Variants in DOCK3 observed in about 807,000 individuals in gnomAD.
The protein encoded by DOCK3 is dedicator of cytokinesis protein 3.
Under a neutral mutation model 265.6 loss-of-function variants are expected in DOCK3, and 60 were observed. The observed-to-expected ratio is 0.23, with a 90% CI of 0.18 to 0.28. The LOEUF is 0.28. DOCK3 is among the 10% of genes least tolerant of loss of function. DOCK3 has a pLI of 1.00. For synonymous variants in DOCK3, 881 were observed against 938.0 expected, an observed-to-expected ratio of 0.94 and a Z score of 1.11; for missense variants, 1,981 against 2,594.3, an observed-to-expected ratio of 0.76 and a Z score of 5.14.
At chr3:51,314,395 C>T (rs976806746) in intron 31 of DOCK3, among the ~76,000 whole-genome samples, 1 of 152,148 alleles carries the variant, frequency 6.6e-6, no homozygotes, top group African/African-American at 2.4e-5. Context: ...ATCTCTAAGC[C>T]AGCCTTTTAG....
intron 1 of DOCK3, among the ~76,000 whole-genome samples, chr3:50,679,509 A>G (rs1193265997): frequency 6.6e-6 from 1 of 152,334 alleles, no homozygotes; most frequent in Non-Finnish European, 1.5e-5. Flanking sequence ...AAAAACAAAC[A>G]AACAAACAAA....
At chr3:51,116,835 T>C (rs768715064) in intron 9 of DOCK3, among the ~76,000 whole-genome samples, 1 of 152,250 alleles carries the variant, frequency 6.6e-6, no homozygotes, top group Non-Finnish European at 1.5e-5. Context: ...TTTGCTGAAG[T>C]TGCTTATCAG....
chr3:50,836,838 G>A (rs553723940), intron 2 of DOCK3, among the ~76,000 whole-genome samples: 1 of 152,226 alleles, frequency 6.6e-6, no homozygotes, highest in East Asian at 1.9e-4. Flanking sequence ...TTGCTCTTTA[G>A]AAATGTCTTC....
intron 46 of DOCK3, among the ~76,000 whole-genome samples, chr3:51,358,564 AC>A (rs1393368765): frequency 6.7e-6 from 1 of 149,992 alleles, no homozygotes; most frequent in Non-Finnish European, 1.5e-5. Context: ...CTTCCTCCCA[AC>A]TCCCTTTTCT....
intron 2 of DOCK3, among the ~76,000 whole-genome samples, chr3:50,826,096 A>G (rs2044739572): frequency 6.6e-6 from 1 of 151,868 alleles, no homozygotes; most frequent in Non-Finnish European, 1.5e-5. Flanking sequence ...AGTGGATAGC[A>G]TATTTCTGCA....
At chr3:51,073,823 T>C (rs1183099515) in intron 6 of DOCK3, among the ~76,000 whole-genome samples, 1 of 152,216 alleles carries the variant, frequency 6.6e-6, no homozygotes, top group East Asian at 1.9e-4. Context: ...TAATTCTTAA[T>C]CCTAGTAACC....
chr3:50,943,291 T>G (rs553651638), intron 5 of DOCK3, among the ~76,000 whole-genome samples: 1 of 152,228 alleles, frequency 6.6e-6, no homozygotes, highest in South Asian at 2.1e-4. Context: ...TTTGTAAATA[T>G]CTACATTGAT....
At chr3:51,193,847 TTTTG>T (rs2088104999) in intron 12 of DOCK3, among the ~76,000 whole-genome samples, 1 of 148,502 alleles carries the variant, frequency 6.7e-6, no homozygotes, top group African/African-American at 2.5e-5. Flanking sequence ...AGTTTATCAG[TTTTG>T]TTTATCTTTT....
intron 5 of DOCK3, among the ~76,000 whole-genome samples, chr3:51,016,555 ATC>A (rs1349018650): frequency 3.8e-3 from 7 of 1,852 alleles, no homozygotes; most frequent in African/African-American, 0.032. Context: ...ATTTATATAT[ATC>A]ATATATTATA....
At position 51,362,633 on chromosome 3, in the gene DOCK3, C is replaced by T; in HGVS notation, c.5252C>T (p.Ala1751Val). 1 of 1,613,960 alleles carries T rather than the reference C, an allele frequency of 6.2e-7. No individual in the cohort carries two copies. The highest frequency in any genetic ancestry group is 1.7e-5 in the Admixed American group (1 of 60,018). Residue 1751 changes from alanine to valine, a missense_variant, in exon 49 of 53, where the codon GCA becomes GTA. Coordinates refer to ENST00000266037, the MANE Select transcript of DOCK3 (RefSeq NM_004947.5). Reference sequence around the variant, plus strand: ...TCCAGCCTGAGTTCCACTCACTCAGCACCATCCCAGATGATTACCTCTGCC... The same window carrying T: ...TCCAGCCTGAGTTCCACTCACTCAGTACCATCCCAGATGATTACCTCTGCC... Reference protein sequence around the residue: ...SSSSLSSTHSAPSQMITSAPS... With the variant: ...SSSSLSSTHSVPSQMITSAPS...
intron 2 of DOCK3, among the ~76,000 whole-genome samples, chr3:50,830,103 C>A (rs1265889399): frequency 1.3e-5 from 2 of 152,084 alleles, no homozygotes; most frequent in Non-Finnish European, 2.9e-5. Context: ...CTTATTTTTA[C>A]AAGTGATTGG....
At position 51,357,093 on chromosome 3, in the gene DOCK3, T is replaced by A; in HGVS notation, c.4635T>A (p.Asn1545Lys). The A allele has an allele frequency of 1.2e-6, 2 of 1,612,856 alleles. No homozygotes were observed. The highest frequency in any genetic ancestry group is 1.7e-6 in the Non-Finnish European group (2 of 1,179,884). Residue 1545 changes from asparagine to lysine, a missense_variant, in exon 44 of 53, where the codon AAT becomes AAA. Around this residue, in one of 4 missense-constraint regions of DOCK3, gnomAD observed 1,357 missense variants for 1,866.8 expected, o/e 0.73. Coordinates refer to ENST00000266037, the MANE Select transcript of DOCK3 (RefSeq NM_004947.5). ...GNINLLSMCL[N>K]GVIDAAVNGG... Reference sequence around the variant, plus strand: ...TTAACCTGCTAAGCATGTGCCTGAATGGTGTCATTGATGCAGCTGTCAATG... The same window carrying A: ...TTAACCTGCTAAGCATGTGCCTGAAAGGTGTCATTGATGCAGCTGTCAATG...
At chr3:50,765,827 A>G (rs372400865) in intron 1 of DOCK3, among the ~76,000 whole-genome samples, 2 of 152,150 alleles carry the variant, frequency 1.3e-5, no homozygotes, top group East Asian at 1.9e-4. Context: ...TGTTAACTGT[A>G]GTCACCTTAC....
chr3:51,205,234 C>T (rs1322995061), intron 12 of DOCK3, among the ~76,000 whole-genome samples: 2 of 151,720 alleles, frequency 1.3e-5, no homozygotes, highest in Admixed American at 6.6e-5. Flanking sequence ...TCTATCACCA[C>T]AGTATGAGGT....
chr3:50,795,377 A>T (rs1382852183), intron 2 of DOCK3, among the ~76,000 whole-genome samples: 1 of 151,654 alleles, frequency 6.6e-6, no homozygotes. Context: ...TGAGTTATGG[A>T]TTTTGTCTCT....
At chr3:51,164,103 C>G (rs1449856022) in intron 12 of DOCK3, among the ~76,000 whole-genome samples, 1 of 152,182 alleles carries the variant, frequency 6.6e-6, no homozygotes, top group Non-Finnish European at 1.5e-5. Context: ...GATACCGCCA[C>G]TTACTATGCT....
chr3:50,718,906 C>G (rs886580130), intron 1 of DOCK3, among the ~76,000 whole-genome samples: 1 of 151,254 alleles, frequency 6.6e-6, no homozygotes, highest in Non-Finnish European at 1.5e-5. Context: ...GCCTCAGCCT[C>G]CTGAGTAGCT....
chr3:51,239,566 G>GTTTTTTT (rs748598302), intron 21 of DOCK3, among the ~76,000 whole-genome samples: 1 of 118,862 alleles, frequency 8.4e-6, no homozygotes, highest in African/African-American at 3.2e-5. Context: ...TTTTTTTTTT[G>GTTTTTTT]TTTGTTTGTT....
chr3:50,795,630 T>G (rs2042731248), intron 2 of DOCK3, among the ~76,000 whole-genome samples: 1 of 152,084 alleles, frequency 6.6e-6, no homozygotes, highest in Admixed American at 6.6e-5. Flanking sequence ...TCTGCCTGCC[T>G]TGGCCTCTGG....
Sources: allele counts gnomAD v4.1 joint callset (sites outside exome capture counted in the v4.1 genomes callset), GRCh38; gene constraint gnomAD v4.1.1; regional missense constraint gnomAD v4.1.1; transcripts MANE v1.5; gene names NCBI Gene and HGNC (gene_info 2026-07-23, HGNC 2026-07-21).